CNST: variants seen among roughly 807,000 people sequenced by gnomAD.
CNST encodes the protein consortin.
In CNST, 39 loss-of-function variants were observed where a neutral mutation model predicts 72.4. That is an observed-to-expected ratio of 0.54 (90% confidence interval 0.42 to 0.70). The LOEUF is 0.70. Ranked by LOEUF, CNST falls within the 30% of genes least tolerant of loss-of-function variation. The pLI, the probability that CNST is intolerant of heterozygous loss-of-function variation, is 0.00. For synonymous variants in CNST, 332 were observed against 320.1 expected (o/e 1.04, Z -0.40); for missense variants, 871 against 868.5 (o/e 1.00, Z -0.04).
chr1:246,652,371 A>AC (rs1666494334), intron 9 of CNST, among the ~76,000 whole-genome samples: 1 of 152,196 alleles, frequency 6.6e-6, no homozygotes, highest in South Asian at 2.1e-4. Flanking sequence ...TCTTACACAC[A>AC]TAGAGATGAG....
chr1:246,584,305 A>C (rs992259172), intron 1 of CNST, among the ~76,000 whole-genome samples: 3 of 152,226 alleles, frequency 2.0e-5, no homozygotes, highest in African/African-American at 7.2e-5. Context: ...TGAAATTTCA[A>C]ATTCACTTAT....
intron 9 of CNST, among the ~76,000 whole-genome samples, 189 bp from the exon 10 acceptor site, chr1:246,660,010 T>G (rs766783650): frequency 1.3e-5 from 2 of 152,218 alleles, no homozygotes. Context: ...TTTGGACTTT[T>G]GTGTTTCTCA....
At chr1:246,631,519 TCTA>T (rs1014733641) in intron 3 of CNST, among the ~76,000 whole-genome samples, 5 of 152,264 alleles carry the variant, frequency 3.3e-5, no homozygotes, top group African/African-American at 4.8e-5. Flanking sequence ...AAGGAATATT[TCTA>T]CTTTTAATTT....
rs776934090 is a variant in CNST, at chr1:246,647,794, G to A, written c.1593G>A (p.Glu531=). The change falls in exon 9 of 11, where the codon GAG becomes GAA. Residue 531 remains glutamate (E), a synonymous_variant. Coordinates refer to ENST00000366513, the MANE Select transcript of CNST (RefSeq NM_152609.3). The part of the protein sequence containing the change: ...ILLPEVCMAP[E]EKGDKDDQLN... ...TTCCAGAGGTGTGTATGGCCCCAGA[G>A]GAAAAGGGAGATAAAGACGACCAAC... The A allele has an allele frequency of 3.1e-6, 5 of 1,614,060 alleles. No individual in the cohort carries two copies. Among genetic ancestry groups the A allele is most frequent in the South Asian group, 2.2e-5 (2 of 91,088 alleles).
Position 246,591,693 on chromosome 1 carries a change from A to T in CNST, c.131A>T (p.Asp44Val). The T allele has an allele frequency of 1.2e-6, 2 of 1,614,182 alleles. No individual in the cohort carries two copies. The highest frequency in any genetic ancestry group is 8.5e-7 in the Non-Finnish European group (1 of 1,180,038). The change falls in exon 2 of 11, where the codon GAC becomes GTC. Residue 44 changes from aspartate to valine, a missense_variant. Physicochemically the swap from Asp to Val is radical, Grantham distance 152 (BLOSUM62 -3). Coordinates refer to ENST00000366513, the MANE Select transcript of CNST (RefSeq NM_152609.3). ...SASDENENQL[D>V]GDGHEHLTSS... ...TCAGATGAAAATGAAAATCAGCTTG[A>T]CGGGGACGGGCATGAGCATCTGACC...
chr1:246,641,669 C>A, intron 6 of CNST, 80 bp from the exon 7 acceptor site: 1 of 784,434 alleles, frequency 1.3e-6, no homozygotes, highest in Non-Finnish European at 2.2e-6. Flanking sequence ...TTTTTTATAG[C>A]CATTTCAGTG....
intron 9 of CNST, among the ~76,000 whole-genome samples, chr1:246,650,831 C>T (rs1666409650): frequency 6.6e-6 from 1 of 151,988 alleles, no homozygotes; most frequent in Admixed American, 6.6e-5. Context: ...GCATGCACCA[C>T]CATGCCCTGC....
In CNST at chr1:246,666,707, T is replaced by G. The variant is rs1476172458; in HGVS notation, c.*802T>G. ...AGCTCCCCTGAGTCTCAGGCAACAG[T>G]TTTGTCACGGATGCAAAGCTTCCTG... On this transcript the variant is annotated 3_prime_UTR_variant, in exon 11 of 11. Coordinates refer to ENST00000366513, the MANE Select transcript of CNST (RefSeq NM_152609.3). 1 of 152,152 alleles carries G rather than the reference T, an allele frequency of 6.6e-6. No homozygotes were observed. Among genetic ancestry groups the G allele is most frequent in the Non-Finnish European group, 1.5e-5 (1 of 68,030 alleles). 9.4% of individuals were successfully genotyped at this position (152,152 alleles called of 1,614,324 possible). A position where few individuals can be genotyped will look rare whatever the true frequency, so the allele number is the denominator to read the frequency against.
In CNST at chr1:246,634,001, G is replaced by T. The variant is rs1279654277; in HGVS notation, c.694G>T (p.Glu232Ter). The change falls in exon 5 of 11, where the codon GAA becomes TAA. Residue 232 changes from glutamate to a stop codon, truncating the protein, a stop_gained. Transcript: ENST00000366513. LOFTEE classifies it high-confidence loss of function. The stretch of plus-strand genomic sequence containing the variant: ...GCTCGCAAATCTTTCTGCCATTCAA[G>T]AACAGTGGGGTAAGTACAGACCAAC... ...QLLANLSAIQ[E>*]QWETKWKTVQ... is the part of the protein sequence containing the mutation. 6.2e-7 allele frequency: 1 copy of T among 1,606,154 alleles called. No homozygotes were observed. The highest frequency in any genetic ancestry group is 1.7e-5 in the Admixed American group (1 of 60,004).
At chr1:246,636,212 C>T (rs1190291604) in intron 6 of CNST, among the ~76,000 whole-genome samples, 22 of 152,118 alleles carry the variant, frequency 1.4e-4, no homozygotes, top group African/African-American at 3.9e-4. Context: ...GCTGTGGAGG[C>T]GTTGACTGTT....
Position 246,647,335 on chromosome 1 carries a change from C to G in CNST, c.1134C>G (p.Ser378=). ...CGTTAGCGCTCCACACCCAGTCCTC[C>G]GAGACAGCAGGGAGCCCGTCTGGGC... ...EATLALHTQS[S]ETAGSPSGPD... The change falls in exon 9 of 11, where the codon TCC becomes TCG. Residue 378 remains serine, a synonymous_variant. Transcript: ENST00000366513. 3.1e-6 allele frequency: 5 copies of G among 1,614,156 alleles called. No individual in the cohort carries two copies. The highest frequency in any genetic ancestry group is 4.2e-6 in the Non-Finnish European group (5 of 1,180,044).
At chr1:246,597,825 T>C (rs1661984578) in intron 2 of CNST, among the ~76,000 whole-genome samples, 2 of 152,160 alleles carry the variant, frequency 1.3e-5, no homozygotes, top group Non-Finnish European at 2.9e-5. Flanking sequence ...GAACCCCTTT[T>C]CTCATCTGTA....
At chr1:246,628,728 C>A (rs569234733) in intron 3 of CNST, among the ~76,000 whole-genome samples, 193 of 152,290 alleles carry the variant, frequency 1.3e-3, no homozygotes, top group Non-Finnish European at 2.1e-3. Context: ...CCAGATACCC[C>A]CTTCTTCACA....
chr1:246,575,851 CTATTTT>C lies in CNST; in HGVS notation c.-52+9194_-52+9199del, dbSNP rs1660368651. 3.3e-5 allele frequency among the ~76,000 whole-genome samples: 5 copies of C among 152,062 alleles called. No homozygotes were observed. The South Asian group carries it at 1.0e-3, about 32-fold the overall frequency. ...AGTAATTAGCATTTTTAAAAATTCC[CTATTTT>C]TATTTCAATGATAAAAAATAATATA... is the stretch of plus-strand genomic sequence containing the variant. On this transcript the variant is annotated intron_variant, in intron 1 of 10. Coordinates refer to ENST00000366513, the MANE Select transcript of CNST (RefSeq NM_152609.3).
chr1:246,661,098 T>C (rs1379486270), intron 10 of CNST, among the ~76,000 whole-genome samples: 1 of 152,094 alleles, frequency 6.6e-6, no homozygotes, highest in African/African-American at 2.4e-5. Context: ...GCCTCCTGAG[T>C]AGCTGGGCTT....
At chr1:246,594,728 C>T (rs985181839) in intron 2 of CNST, among the ~76,000 whole-genome samples, 1 of 152,178 alleles carries the variant, frequency 6.6e-6, no homozygotes, top group Admixed American at 6.5e-5. Context: ...AAGATCCTGC[C>T]ACTGCACTCC....
intron 1 of CNST, among the ~76,000 whole-genome samples, chr1:246,579,297 C>G (rs537418225): frequency 1.8e-4 from 28 of 152,252 alleles, no homozygotes; most frequent in African/African-American, 6.5e-4. Flanking sequence ...TTTCCTGTTT[C>G]TGTTAAGTAT....
intron 1 of CNST, among the ~76,000 whole-genome samples, chr1:246,587,953 G>A (rs190363801): frequency 1.0e-3 from 155 of 152,004 alleles, no homozygotes; most frequent in Non-Finnish European, 1.8e-3. Flanking sequence ...CTTCATAACC[G>A]AAAATCTGTA....
At chr1:246,590,004 T>C (rs1661443305) in intron 1 of CNST, among the ~76,000 whole-genome samples, 1 of 152,206 alleles carries the variant, frequency 6.6e-6, no homozygotes, top group Non-Finnish European at 1.5e-5. Context: ...CATTGTAGAT[T>C]CTGGACATTA....
Sources: allele counts gnomAD v4.1 joint callset (sites outside exome capture counted in the v4.1 genomes callset), GRCh38; gene constraint gnomAD v4.1.1; transcripts MANE v1.5; gene names NCBI Gene and HGNC (gene_info 2026-07-23, HGNC 2026-07-21).